TLL1: variants seen among roughly 807,000 people sequenced by gnomAD.
TLL1 encodes the protein tolloid-like protein 1.
TLL1 carries 49 observed loss-of-function variants against 128.2 expected under a neutral mutation model. That is an observed-to-expected ratio of 0.38 (90% CI 0.30 to 0.48). TLL1 has a LOEUF of 0.48. Among genes scored for constraint, TLL1 ranks in the 20% least tolerant of loss-of-function variants. TLL1 has a pLI of 0.96. For synonymous variants in TLL1, 454 were observed against 418.8 expected (o/e 1.08, Z -1.03); for missense variants, 1,123 against 1,242.0 (o/e 0.90, Z 1.44).
At chr4:165,916,680 A>G (rs890424557) in intron 1 of TLL1, among the ~76,000 whole-genome samples, 5 of 152,160 alleles carry the variant, frequency 3.3e-5, no homozygotes, top group Admixed American at 2.6e-4. Context: ...ACTCACCAAT[A>G]TAGTTTAGCC....
Position 166,068,272 on chromosome 4 carries a change from G to A in TLL1, c.2188+2409G>A, listed in dbSNP as rs150634964. Among the ~76,000 whole-genome samples, 7 of 151,798 alleles carry A rather than the reference G, an allele frequency of 4.6e-5. No homozygotes were observed. The East Asian group carries it at 1.4e-3, about 29-fold the overall frequency. ...ATTGCTGTTGTATTATCAAGAGATG[G>A]CAGAAAATAAGAATTTAGGTGAATA... On this transcript the variant is annotated intron_variant, in intron 16 of 20. Coordinates refer to ENST00000061240, the MANE Select transcript of TLL1 (RefSeq NM_012464.5).
chr4:165,884,221 G>A (rs1304470487), intron 1 of TLL1, among the ~76,000 whole-genome samples: 2 of 152,134 alleles, frequency 1.3e-5, no homozygotes, highest in Non-Finnish European at 2.9e-5. Flanking sequence ...GTAAATAGTT[G>A]TTTATGTATT....
At chr4:166,015,355 A>G (rs1737887368) in intron 8 of TLL1, among the ~76,000 whole-genome samples, 2 of 152,064 alleles carry the variant, frequency 1.3e-5, no homozygotes, top group Non-Finnish European at 2.9e-5. Flanking sequence ...TAGATACTTA[A>G]GGTTGCAGAT....
chr4:165,886,592 C>A (rs1228058884), intron 1 of TLL1, among the ~76,000 whole-genome samples: 1 of 152,106 alleles, frequency 6.6e-6, no homozygotes, highest in Non-Finnish European at 1.5e-5. Flanking sequence ...GTAGCAAAAT[C>A]TGAGAATGCA....
At chr4:166,043,099 G>GA (rs1553964084) in intron 11 of TLL1, among the ~76,000 whole-genome samples, 175 bp from the exon 12 acceptor site, 1 of 151,740 alleles carries the variant, frequency 6.6e-6, no homozygotes. Flanking sequence ...ACTTTACTAG[G>GA]TTTTTTTTAC....
intron 12 of TLL1, among the ~76,000 whole-genome samples, chr4:166,043,644 G>T (rs773919967): frequency 1.3e-5 from 2 of 152,134 alleles, no homozygotes; most frequent in Non-Finnish European, 2.9e-5. Context: ...TACATTATCT[G>T]TGCTATTTGA....
intron 1 of TLL1, among the ~76,000 whole-genome samples, chr4:165,966,445 C>A (rs1483871709): frequency 6.6e-6 from 1 of 151,050 alleles, no homozygotes; most frequent in East Asian, 2.0e-4. Context: ...GCTCAGGAAT[C>A]AACATTTTTT....
chr4:165,933,095 A>G (rs1319680977), intron 1 of TLL1, among the ~76,000 whole-genome samples: 2 of 152,214 alleles, frequency 1.3e-5, no homozygotes, highest in East Asian at 3.8e-4. Context: ...AGCCTATCAC[A>G]TGTATTTTTC....
intron 1 of TLL1, among the ~76,000 whole-genome samples, chr4:165,952,055 T>TA (rs1311085742): frequency 1.3e-5 from 2 of 152,106 alleles, no homozygotes; most frequent in East Asian, 3.9e-4. Flanking sequence ...GAGATAGAAA[T>TA]AAAAAGTTGA....
At chr4:165,988,255 A>G (rs1736475175) in intron 1 of TLL1, among the ~76,000 whole-genome samples, 1 of 152,130 alleles carries the variant, frequency 6.6e-6, no homozygotes, top group African/African-American at 2.4e-5. Context: ...GAACTCTCCC[A>G]TGGTTTCACA....
At chr4:166,053,092 T>A (rs907064185) in intron 12 of TLL1, 2 of 151,412 alleles carry the variant, frequency 1.3e-5, no homozygotes, top group African/African-American at 4.9e-5. Context: ...TTCCCATAAT[T>A]GTACACTCAC....
chr4:165,935,517 C>T (rs1298203278), intron 1 of TLL1, among the ~76,000 whole-genome samples: 1 of 152,128 alleles, frequency 6.6e-6, no homozygotes, highest in Non-Finnish European at 1.5e-5. Flanking sequence ...TACAGCTTAG[C>T]GAATTACAAG....
intron 12 of TLL1, among the ~76,000 whole-genome samples, chr4:166,047,557 A>ATAT (rs1316970695): frequency 1.4e-3 from 215 of 151,060 alleles, no homozygotes; most frequent in Non-Finnish European, 2.6e-3. Context: ...CCATGAAGAT[A>ATAT]AACTTGTCCA....
intron 5 of TLL1, among the ~76,000 whole-genome samples, 179 bp from the exon 6 acceptor site, chr4:166,003,212 G>C (rs1031551199): frequency 6.6e-6 from 1 of 152,174 alleles, no homozygotes; most frequent in Non-Finnish European, 1.5e-5. Flanking sequence ...GGAAGCTTTT[G>C]TTGAACTTAA....
At chr4:165,903,286 C>T (rs774599924) in intron 1 of TLL1, among the ~76,000 whole-genome samples, 2 of 151,900 alleles carry the variant, frequency 1.3e-5, no homozygotes, top group East Asian at 2.0e-4. Context: ...TGCAGTGAGC[C>T]GAGATCGTGC....
At chr4:166,077,802 G>A in intron 17 of TLL1, 101 bp from the exon 18 acceptor site, 1 of 1,549,562 alleles carries the variant, frequency 6.5e-7, no homozygotes. Flanking sequence ...TGGTATTCAG[G>A]AAAATCTTTC....
intron 1 of TLL1, among the ~76,000 whole-genome samples, chr4:165,893,773 GA>G (rs58612699): frequency 0.031 from 4,772 of 152,198 alleles, 200 homozygotes; most frequent in East Asian, 0.13. Flanking sequence ...AGAATATTGA[GA>G]AGAGTTTGCC....
At chr4:166,081,161 C>T (rs886159131) in intron 18 of TLL1, among the ~76,000 whole-genome samples, 1 of 152,136 alleles carries the variant, frequency 6.6e-6, no homozygotes, top group Non-Finnish European at 1.5e-5. Flanking sequence ...TCTAATATTA[C>T]TGGCATTTGA....
chr4:165,955,525 A>G (rs1051395679), intron 1 of TLL1, among the ~76,000 whole-genome samples: 5 of 152,072 alleles, frequency 3.3e-5, no homozygotes, highest in African/African-American at 1.2e-4. Flanking sequence ...AGAAAAAATT[A>G]TTAAAGGAAG....
Sources: allele counts gnomAD v4.1 joint callset (sites outside exome capture counted in the v4.1 genomes callset), GRCh38; gene constraint gnomAD v4.1.1; transcripts MANE v1.5; gene names NCBI Gene and HGNC (gene_info 2026-07-23, HGNC 2026-07-21).